Variants in C10orf90 observed in about 807,000 individuals in gnomAD.
C10orf90 encodes the protein chromosome 10 open reading frame 90, also known as (E2-independent) E3 ubiquitin-conjugating enzyme FATS.
A neutral mutation model predicts 62.5 loss-of-function variants in C10orf90; 56 were observed. The observed-to-expected ratio is 0.90, with a 90% CI of 0.72 to 1.12. The LOEUF (loss-of-function observed/expected upper bound fraction) is 1.12. C10orf90 is among the 50% of genes most tolerant of loss of function. C10orf90 has a pLI of 0.00. For missense variants in C10orf90, 970 were observed against 880.4 expected (o/e 1.10, Z -1.29); for synonymous variants, 386 against 340.4 (o/e 1.13, Z -1.47).
intron 4 of C10orf90, among the ~76,000 whole-genome samples, chr10:126,486,021 A>G (rs1034329775): frequency 1.3e-5 from 2 of 152,090 alleles, no homozygotes; most frequent in African/African-American, 2.4e-5. Flanking sequence ...CAAGAATGTA[A>G]GGAAATACTT....
At chr10:126,572,793 TA>T (rs1844533401) in intron 2 of C10orf90, among the ~76,000 whole-genome samples, 1 of 152,108 alleles carries the variant, frequency 6.6e-6, no homozygotes. Context: ...ATGGAGTTGC[TA>T]TGGTTCACAT....
intron 2 of C10orf90, among the ~76,000 whole-genome samples, chr10:126,642,440 G>A (rs1448725226): frequency 1.3e-5 from 2 of 152,082 alleles, no homozygotes; most frequent in Admixed American, 6.5e-5. Context: ...ACTGAGGCAG[G>A]ACAATGGCAT....
At chr10:126,426,284 T>C (rs1857261081) in intron 8 of C10orf90, among the ~76,000 whole-genome samples, 194 bp from the exon 9 acceptor site, 1 of 152,222 alleles carries the variant, frequency 6.6e-6, no homozygotes, top group Non-Finnish European at 1.5e-5. Flanking sequence ...TAGCAGGGGA[T>C]GGCACCTTGT....
chr10:126,477,355 A>C (rs1255524695), intron 4 of C10orf90, among the ~76,000 whole-genome samples: 1 of 151,458 alleles, frequency 6.6e-6, no homozygotes, highest in Non-Finnish European at 1.5e-5. Context: ...TTGGGCTTTT[A>C]AACCTCAGAA....
At chr10:126,442,691 A>G (rs1858476779) in intron 7 of C10orf90, among the ~76,000 whole-genome samples, 1 of 125,508 alleles carries the variant, frequency 8.0e-6, no homozygotes, top group Admixed American at 8.1e-5. Flanking sequence ...CATTTCATCC[A>G]ACAACCACAG....
chr10:126,628,363 G>T (rs200738870), intron 2 of C10orf90, among the ~76,000 whole-genome samples: 3 of 152,208 alleles, frequency 2.0e-5, no homozygotes, highest in African/African-American at 4.8e-5. Flanking sequence ...ATGGGTGGGT[G>T]GATGGATGGA....
At chr10:126,486,437 A>C (rs559133662) in intron 4 of C10orf90, among the ~76,000 whole-genome samples, 12 of 152,240 alleles carry the variant, frequency 7.9e-5, no homozygotes, top group Non-Finnish European at 1.6e-4. Context: ...TTAATAATAT[A>C]AGAAACAACT....
intron 2 of C10orf90, among the ~76,000 whole-genome samples, chr10:126,622,867 T>C (rs1025956112): frequency 1.3e-5 from 2 of 152,238 alleles, no homozygotes; most frequent in Admixed American, 6.5e-5. Flanking sequence ...AGATACCTAC[T>C]TGACATAAAA....
intron 2 of C10orf90, among the ~76,000 whole-genome samples, chr10:126,562,192 T>C (rs958716370): frequency 2.0e-5 from 3 of 152,136 alleles, no homozygotes; most frequent in African/African-American, 4.8e-5. Flanking sequence ...GGAGGGAGAA[T>C]GCGGCCCTCA....
intron 2 of C10orf90, among the ~76,000 whole-genome samples, chr10:126,525,630 G>T (rs950642922): frequency 2.0e-4 from 30 of 152,110 alleles, no homozygotes; most frequent in African/African-American, 6.8e-4. Context: ...CGGGGGTCTG[G>T]AGAGACACTG....
chr10:126,575,671 C>CCTCAAATATA (rs1206149782), intron 2 of C10orf90, among the ~76,000 whole-genome samples: 2 of 151,850 alleles, frequency 1.3e-5, no homozygotes, highest in African/African-American at 4.8e-5. Flanking sequence ...GACTATGGTA[C>CCTCAAATATA]CTCAAAATAT....
At chr10:126,599,863 C>T (rs1041676325) in intron 2 of C10orf90, among the ~76,000 whole-genome samples, 4 of 152,170 alleles carry the variant, frequency 2.6e-5, no homozygotes, top group Non-Finnish European at 4.4e-5. Context: ...AGCACTGGTG[C>T]GTTTTCACTT....
At position 126,426,050 on chromosome 10, in the gene C10orf90, C is replaced by G. The variant is rs774003638; in HGVS notation, c.2293G>C (p.Glu765Gln). Residue 765 changes from glutamate to glutamine, a missense_variant, in exon 9 of 10, where the codon GAA becomes CAA. Physicochemically the swap from Glu to Gln is conservative, Grantham distance 29. Coordinates refer to ENST00000488181, the MANE Select transcript of C10orf90 (RefSeq NM_001350921.2). Reference sequence around the variant, plus strand: ...TGTAAGATCACCCTTTTCCTTTGTTCTTCTTTTTTCTTTTTAACTTCCGGC... The same window carrying G: ...TGTAAGATCACCCTTTTCCTTTGTTGTTCTTTTTTCTTTTTAACTTCCGGC... ...NLPEVKKKKE[E>Q]QRKRVILQSN... 6.2e-7 allele frequency: 1 copy of G among 1,614,158 alleles called. No individual in the cohort carries two copies. The highest frequency in any genetic ancestry group is 1.1e-5 in the South Asian group (1 of 91,090).
At chr10:126,555,611 G>A (rs1016898431) in intron 2 of C10orf90, among the ~76,000 whole-genome samples, 1 of 151,810 alleles carries the variant, frequency 6.6e-6, no homozygotes, top group African/African-American at 2.4e-5. Context: ...CCTGGGAGGT[G>A]GAGGTTGCAG....
intron 4 of C10orf90, among the ~76,000 whole-genome samples, chr10:126,477,121 A>ATTTTTTTTTTTT (rs1860931042): frequency 1.9e-4 from 7 of 37,650 alleles, no homozygotes; most frequent in Admixed American, 3.7e-4. Flanking sequence ...TTTTTTTTGG[A>ATTTTTTTTTTTT]TTTTTGGAGC....
intron 2 of C10orf90, among the ~76,000 whole-genome samples, chr10:126,515,063 T>G (rs1258545171): frequency 6.6e-6 from 1 of 152,218 alleles, no homozygotes; most frequent in Non-Finnish European, 1.5e-5. Flanking sequence ...CTTTATCAAC[T>G]CATCAAAAAG....
At chr10:126,615,880 AAC>A (rs1845530505) in intron 2 of C10orf90, among the ~76,000 whole-genome samples, 1 of 152,192 alleles carries the variant, frequency 6.6e-6, no homozygotes, top group Non-Finnish European at 1.5e-5. Flanking sequence ...GGGCTCCCCA[AAC>A]AGTTTCCATC....
chr10:126,603,971 C>G (rs1845253853), intron 2 of C10orf90, among the ~76,000 whole-genome samples: 1 of 152,196 alleles, frequency 6.6e-6, no homozygotes, highest in Non-Finnish European at 1.5e-5. Flanking sequence ...AAGAGGTACT[C>G]AAGCTCGTCA....
intron 4 of C10orf90, among the ~76,000 whole-genome samples, chr10:126,473,376 AGATGGC>A (rs1335670359): frequency 6.6e-6 from 1 of 152,186 alleles, no homozygotes; most frequent in African/African-American, 2.4e-5. Context: ...ATTTTGTTCA[AGATGGC>A]AATGGTCCTA....
Sources: allele counts gnomAD v4.1 joint callset (sites outside exome capture counted in the v4.1 genomes callset), GRCh38; gene constraint gnomAD v4.1.1; transcripts MANE v1.5; gene names NCBI Gene and HGNC (gene_info 2026-07-23, HGNC 2026-07-21).